SPTBN1: variants seen among roughly 807,000 people sequenced by gnomAD.
SPTBN1 encodes the protein spectrin beta, non-erythrocytic 1, also known as spectrin beta chain, non-erythrocytic 1.
Under a neutral mutation model 266.4 loss-of-function variants are expected in SPTBN1, and 32 were observed. The observed-to-expected ratio is 0.12, with a 90% CI of 0.09 to 0.16. The LOEUF (loss-of-function observed/expected upper bound fraction) is 0.16. Among genes scored for constraint, SPTBN1 ranks in the 10% least tolerant of loss-of-function variants. The probability of loss-of-function intolerance (pLI) is 1.00; values close to 1 mark genes in which losing one functional copy is unlikely to be tolerated. For synonymous variants in SPTBN1, 1,336 were observed against 1,162.2 expected (o/e 1.15, Z -3.04); for missense variants, 2,296 against 3,067.1 (o/e 0.75, Z 5.94).
intron 1 of SPTBN1, among the ~76,000 whole-genome samples, chr2:54,468,363 T>G (rs1470867034): frequency 6.6e-6 from 1 of 151,914 alleles, no homozygotes; most frequent in Non-Finnish European, 1.5e-5. Context: ...TGTGTGTATA[T>G]ATATTTATTT....
At chr2:54,621,927 A>T (rs538429210) in intron 8 of SPTBN1, among the ~76,000 whole-genome samples, 1 of 152,356 alleles carries the variant, frequency 6.6e-6, no homozygotes, top group East Asian at 1.9e-4. Context: ...CTCTCAATGC[A>T]GTGAAGTCAA....
chr2:54,646,895 G>A lies in SPTBN1; in HGVS notation c.4867-236G>A, dbSNP rs1261952936. ...TTGGTCTGCCCAAGCTTTTCTCTGA[G>A]AGGGGCCCTGCTCATTCTGCGTTCT... On this transcript the variant is annotated intron_variant, in intron 23 of 35. Coordinates refer to ENST00000356805, the MANE Select transcript of SPTBN1 (RefSeq NM_003128.3). The surrounding 1 kb of genome is among the most constrained non-coding windows in gnomAD (Gnocchi z 4.4). 2.6e-5 allele frequency among the ~76,000 whole-genome samples: 4 copies of A among 152,212 alleles called. No homozygotes were observed. The highest frequency in any genetic ancestry group is 2.9e-5 in the Non-Finnish European group (2 of 68,046).
chr2:54,633,358 G>A (rs1678885397), intron 17 of SPTBN1, among the ~76,000 whole-genome samples: 2 of 152,126 alleles, frequency 1.3e-5, no homozygotes, highest in African/African-American at 4.8e-5. Context: ...GGCATCTCCA[G>A]GATTGGATAC....
At chr2:54,530,498 A>G (rs1671165102) in intron 2 of SPTBN1, among the ~76,000 whole-genome samples, 1 of 150,758 alleles carries the variant, frequency 6.6e-6, no homozygotes, top group East Asian at 2.0e-4. Flanking sequence ...AGCTGGGACT[A>G]CAGGCGCCCG....
chr2:54,577,409 C>T (rs1332013939), intron 2 of SPTBN1, among the ~76,000 whole-genome samples: 1 of 152,188 alleles, frequency 6.6e-6, no homozygotes, highest in African/African-American at 2.4e-5. Context: ...CTCACAAAAT[C>T]AGTCCTGTGG....
chr2:54,648,454 G>A (rs1249365462), intron 24 of SPTBN1, among the ~76,000 whole-genome samples: 1 of 152,208 alleles, frequency 6.6e-6, no homozygotes, highest in Non-Finnish European at 1.5e-5. Flanking sequence ...ACAAGGATGG[G>A]CACTCTGCCC....
intron 12 of SPTBN1, among the ~76,000 whole-genome samples, chr2:54,627,803 C>T (rs950907564): frequency 2.0e-5 from 3 of 151,254 alleles, no homozygotes; most frequent in East Asian, 1.9e-4. Flanking sequence ...ACCCTGGCCC[C>T]GCTGGCCCTC....
At chr2:54,586,720 CA>C in intron 2 of SPTBN1, among the ~76,000 whole-genome samples, 1 of 152,312 alleles carries the variant, frequency 6.6e-6, no homozygotes, top group Non-Finnish European at 1.5e-5. Flanking sequence ...AAATATCCCT[CA>C]GACCTTAGCT....
chr2:54,496,843 A>C (rs1668995590), intron 1 of SPTBN1, among the ~76,000 whole-genome samples: 1 of 152,244 alleles, frequency 6.6e-6, no homozygotes, highest in South Asian at 2.1e-4. Context: ...TTCCTTCTAG[A>C]AAATTTATCC....
intron 1 of SPTBN1, among the ~76,000 whole-genome samples, chr2:54,473,627 C>G (rs963791499): frequency 6.6e-6 from 1 of 152,088 alleles, no homozygotes; most frequent in Non-Finnish European, 1.5e-5. Context: ...ATACCATTAT[C>G]TGGTCCCCTC....
chr2:54,648,608 A>G (rs572264109), intron 24 of SPTBN1, among the ~76,000 whole-genome samples: 2 of 152,296 alleles, frequency 1.3e-5, no homozygotes, highest in African/African-American at 4.8e-5. Flanking sequence ...AAGATTTTGC[A>G]TTAACTTTTA....
intron 1 of SPTBN1, among the ~76,000 whole-genome samples, chr2:54,491,603 C>CTT (rs968059010): frequency 6.7e-6 from 1 of 148,544 alleles, no homozygotes; most frequent in South Asian, 2.1e-4. Flanking sequence ...ATTTCTCTCT[C>CTT]TTTTTTTTTT....
At position 54,632,486 on chromosome 2, in the gene SPTBN1, T is replaced by C. The variant is rs147100234; in HGVS notation, c.3565-80T>C. On this transcript the variant is annotated intron_variant, in intron 16 of 35. Transcript: ENST00000356805. ...GTGTAATGAAGAAAGTGTTGTGAAC[T>C]ATGTTGCACGGAAATGTAGAACACA... is the stretch of plus-strand genomic sequence containing the variant. The C allele has an allele frequency of 2.3e-3, 3,190 of 1,379,680 alleles. 78 individuals carry two copies. The South Asian group carries it at 0.035, about 15-fold the overall frequency. 85.5% of individuals were successfully genotyped at this position (1,379,680 alleles called of 1,614,324 possible).
At chr2:54,580,585 T>G (rs1674825488) in intron 2 of SPTBN1, among the ~76,000 whole-genome samples, 2 of 149,160 alleles carry the variant, frequency 1.3e-5, no homozygotes, top group African/African-American at 5.1e-5. Context: ...TGTATTCATA[T>G]TCTCACACTT....
At chr2:54,550,986 T>C (rs1024466302) in intron 2 of SPTBN1, among the ~76,000 whole-genome samples, 1 of 152,228 alleles carries the variant, frequency 6.6e-6, no homozygotes, top group African/African-American at 2.4e-5. Context: ...TCCAAGTGCC[T>C]GCCCTACCTG....
chr2:54,645,844 T>C lies in SPTBN1; in HGVS notation c.4495-84T>C. On this transcript the variant is annotated intron_variant, in intron 21 of 35. Transcript: ENST00000356805. This position sits in a 1 kb window ranked among gnomAD's most constrained non-coding sequence, Gnocchi z 4.3. ...CACTCTCTGAAGCTCACCCTTGCTG[T>C]CCCTCACTGCCCCTCACTGCTCGTT... The C allele has an allele frequency of 6.9e-7, 1 of 1,457,116 alleles. No individual in the cohort carries two copies. Among genetic ancestry groups the C allele is most frequent in the Non-Finnish European group, 9.6e-7 (1 of 1,045,214 alleles). 90.3% of individuals were successfully genotyped at this position (1,457,116 alleles called of 1,614,324 possible).
intron 2 of SPTBN1, among the ~76,000 whole-genome samples, chr2:54,561,379 C>T (rs1240610756): frequency 2.0e-5 from 3 of 152,200 alleles, no homozygotes; most frequent in Non-Finnish European, 4.4e-5. Context: ...AATGATCCTC[C>T]CGCCTTCACT....
At chr2:54,592,509 C>T (rs757193912) in intron 2 of SPTBN1, among the ~76,000 whole-genome samples, 4 of 152,022 alleles carry the variant, frequency 2.6e-5, no homozygotes, top group South Asian at 2.1e-4. Flanking sequence ...CTCAGCCTCC[C>T]GAGTAGCTGG....
chr2:54,579,438 A>G (rs1204422311), intron 2 of SPTBN1, among the ~76,000 whole-genome samples: 2 of 128,934 alleles, frequency 1.6e-5, no homozygotes, highest in African/African-American at 8.1e-5. Context: ...TAAACTCCCC[A>G]TCTTTCACAC....
Sources: allele counts gnomAD v4.1 joint callset (sites outside exome capture counted in the v4.1 genomes callset), GRCh38; gene constraint gnomAD v4.1.1; non-coding constraint Gnocchi (gnomAD v3.1); transcripts MANE v1.5; gene names NCBI Gene and HGNC (gene_info 2026-07-23, HGNC 2026-07-21).